The following FILIP1 variants were observed in gnomAD, a reference collection of about 807,000 sequenced individuals.
The protein encoded by FILIP1 is filamin-A-interacting protein 1.
Under a neutral mutation model 102.1 loss-of-function variants are expected in FILIP1, and 61 were observed. The ratio of observed to expected loss-of-function variants is 0.60; its 90% confidence interval spans 0.49 to 0.74. FILIP1 has a LOEUF of 0.74. Ranked by LOEUF, FILIP1 falls within the 30% of genes least tolerant of loss-of-function variation. The probability of loss-of-function intolerance (pLI) is 0.00; values close to 1 mark genes in which losing one functional copy is unlikely to be tolerated. For synonymous variants in FILIP1, 491 were observed against 526.9 expected, an observed-to-expected ratio of 0.93 and a Z score of 0.93; for missense variants, 1,314 against 1,441.2, an observed-to-expected ratio of 0.91 and a Z score of 1.43.
intron 6 of FILIP1, among the ~76,000 whole-genome samples, chr6:75,298,732 C>T (rs1036309690): frequency 6.6e-6 from 1 of 152,112 alleles, no homozygotes; most frequent in Non-Finnish European, 1.5e-5. Flanking sequence ...GTCTGGCCAA[C>T]ATGGTGAAAC....
At chr6:75,363,231 G>T (rs554356333) in intron 2 of FILIP1, among the ~76,000 whole-genome samples, 176 of 152,128 alleles carry the variant, frequency 1.2e-3, no homozygotes, top group African/African-American at 4.1e-3. Context: ...GCTGGTCCTG[G>T]CATACTTAAC....
chr6:75,391,058 A>T (rs1776266787), intron 2 of FILIP1, among the ~76,000 whole-genome samples: 1 of 152,084 alleles, frequency 6.6e-6, no homozygotes, highest in Non-Finnish European at 1.5e-5. Flanking sequence ...CTCCAACATC[A>T]TCTTCTATAT....
chr6:75,456,569 T>C (rs1016422050), intron 1 of FILIP1, among the ~76,000 whole-genome samples: 3 of 151,480 alleles, frequency 2.0e-5, no homozygotes, highest in African/African-American at 7.3e-5. Context: ...TCTTTTCTTT[T>C]TTTTTTTTTT....
At chr6:75,384,303 C>A (rs986452352) in intron 2 of FILIP1, among the ~76,000 whole-genome samples, 3 of 152,112 alleles carry the variant, frequency 2.0e-5, no homozygotes, top group Non-Finnish European at 2.9e-5. Flanking sequence ...TTAAATCAAA[C>A]CTTTACCAGA....
chr6:75,356,736 T>A (rs555083671), intron 3 of FILIP1, among the ~76,000 whole-genome samples: 4 of 152,314 alleles, frequency 2.6e-5, no homozygotes, highest in African/African-American at 9.6e-5. Flanking sequence ...CCCAAAGTGC[T>A]GGGATTACAG....
chr6:75,371,650 A>G lies in FILIP1; in HGVS notation c.277-8733T>C, dbSNP rs184606392. 7.6e-3 allele frequency among the ~76,000 whole-genome samples: 1,153 copies of G among 152,322 alleles called. 9 individuals carry two copies. Among genetic ancestry groups the G allele is most frequent in the Middle Eastern group, 0.02 (6 of 294 alleles). On this transcript the variant is annotated intron_variant, in intron 2 of 5. Coordinates refer to ENST00000237172, the MANE Select transcript of FILIP1 (RefSeq NM_015687.5). ...ATACGATCAATGGAATGGAATAGAGAGCCCACAAATAAATTTTTGCATATA... is the reference window on the plus strand; with the variant it reads ...ATACGATCAATGGAATGGAATAGAGGGCCCACAAATAAATTTTTGCATATA...
rs557125766 is a variant in FILIP1 at position 75,440,731 on chromosome 6, C to T, written c.-6-25753G>A. 2.6e-5 allele frequency among the ~76,000 whole-genome samples: 4 copies of T among 152,168 alleles called. No individual in the cohort carries two copies. The South Asian group carries it at 6.2e-4, about 24-fold the overall frequency. ...TTTGGGAGGCTGAGGCAGGCAATCACCTGAGTTCAGGAGTTCAAGACCACC... is the reference window on the plus strand; with the variant it reads ...TTTGGGAGGCTGAGGCAGGCAATCATCTGAGTTCAGGAGTTCAAGACCACC... On this transcript the variant is annotated intron_variant, in intron 1 of 5. Coordinates refer to ENST00000237172, the MANE Select transcript of FILIP1 (RefSeq NM_015687.5).
chr6:75,357,029 A>T (rs1775026309), intron 3 of FILIP1, among the ~76,000 whole-genome samples: 1 of 152,106 alleles, frequency 6.6e-6, no homozygotes, highest in South Asian at 2.1e-4. Flanking sequence ...CTATTTGAAG[A>T]TCAGTATTTT....
chr6:75,456,622 C>T (rs1324451366), intron 1 of FILIP1, among the ~76,000 whole-genome samples: 4 of 149,376 alleles, frequency 2.7e-5, no homozygotes, highest in Admixed American at 6.7e-5. Flanking sequence ...TGTGGTGGCA[C>T]GACCTCAGCT....
At chr6:75,324,774 A>T (rs576328515) in intron 4 of FILIP1, among the ~76,000 whole-genome samples, 18 of 152,344 alleles carry the variant, frequency 1.2e-4, no homozygotes, top group African/African-American at 4.3e-4. Context: ...AGAACCTGGA[A>T]ATAAAGCCAA....
chr6:75,411,409 CT>C (rs1157900955), intron 2 of FILIP1, among the ~76,000 whole-genome samples: 1 of 152,160 alleles, frequency 6.6e-6, no homozygotes, highest in Non-Finnish European at 1.5e-5. Context: ...TGTGCAGAAG[CT>C]CTTCAGTTTA....
At chr6:75,408,155 A>G (rs1027182840) in intron 2 of FILIP1, among the ~76,000 whole-genome samples, 2 of 152,232 alleles carry the variant, frequency 1.3e-5, no homozygotes, top group African/African-American at 4.8e-5. Flanking sequence ...CCAATTTATT[A>G]GAAAGTAATT....
intron 2 of FILIP1, among the ~76,000 whole-genome samples, chr6:75,396,523 A>G (rs924038068): frequency 3.3e-5 from 5 of 152,072 alleles, no homozygotes; most frequent in Non-Finnish European, 7.4e-5. Context: ...TTGCCTGTCA[A>G]TTATACCCTT....
chr6:75,353,709 T>C lies in FILIP1; in HGVS notation c.459A>G (p.Arg153=). The change falls in exon 4 of 6, where the codon AGA becomes AGG. Residue 153 remains arginine, a synonymous_variant. Transcript: ENST00000237172. The stretch of plus-strand genomic sequence containing the variant: ...AGGTTTCTTTCTGTTTTTCCTCAAG[T>C]CTGTCCAGCTGAATAAGCAAACATG... ...VYEKPISELD[R]LEEKQKETYR... The C allele has an allele frequency of 2.5e-6, 4 of 1,613,340 alleles. No homozygotes were observed. The highest frequency in any genetic ancestry group is 3.4e-6 in the Non-Finnish European group (4 of 1,180,010).
chr6:75,295,677 A>G, exon 7 of FILIP1: 1 of 353,252 alleles, frequency 2.8e-6, no homozygotes. Context: ...GCTTTGCAAA[A>G]AGAAATTTCT....
At chr6:75,428,196 T>C (rs950306930) in intron 1 of FILIP1, among the ~76,000 whole-genome samples, 1 of 152,126 alleles carries the variant, frequency 6.6e-6, no homozygotes, top group African/African-American at 2.4e-5. Context: ...AATATTACTT[T>C]CTTGGAAAGC....
At chr6:75,323,777 A>T (rs1198120935) in intron 4 of FILIP1, among the ~76,000 whole-genome samples, 2 of 152,218 alleles carry the variant, frequency 1.3e-5, no homozygotes, top group African/African-American at 2.4e-5. Flanking sequence ...TCTCATCTCA[A>T]TTATAATCCC....
chr6:75,336,607 T>G (rs1774251108), intron 4 of FILIP1, among the ~76,000 whole-genome samples: 1 of 152,168 alleles, frequency 6.6e-6, no homozygotes, highest in Non-Finnish European at 1.5e-5. Flanking sequence ...TGAATTATAG[T>G]CCTGGGGAGG....
intron 1 of FILIP1, among the ~76,000 whole-genome samples, chr6:75,463,713 A>G (rs1012868188): frequency 2.6e-5 from 4 of 152,228 alleles, no homozygotes; most frequent in African/African-American, 9.6e-5. Context: ...AAGTTAAACC[A>G]CAACAAGCTA....
Sources: allele counts gnomAD v4.1 joint callset (sites outside exome capture counted in the v4.1 genomes callset), GRCh38; gene constraint gnomAD v4.1.1; transcripts MANE v1.5; gene names NCBI Gene and HGNC (gene_info 2026-07-23, HGNC 2026-07-21).